The following SERPINE2 variants were observed in gnomAD, a reference collection of about 807,000 sequenced individuals.
SERPINE2 encodes the protein glia-derived nexin.
In SERPINE2, 14 loss-of-function variants were observed where a neutral mutation model predicts 36.3. That is an observed-to-expected ratio of 0.39 (90% CI 0.25 to 0.60). The LOEUF (loss-of-function observed/expected upper bound fraction) is 0.60. Among genes scored for constraint, SERPINE2 ranks in the 20% least tolerant of loss-of-function variants. The probability of loss-of-function intolerance (pLI) is 0.57; values close to 1 mark genes in which losing one functional copy is unlikely to be tolerated. For synonymous variants in SERPINE2, 192 were observed against 191.8 expected (o/e 1.00, Z -0.01); for missense variants, 418 against 499.6 (o/e 0.84, Z 1.56).
chr2:224,015,319 C>T (rs1007351402), intron 1 of SERPINE2, among the ~76,000 whole-genome samples: 1 of 152,294 alleles, frequency 6.6e-6, no homozygotes, highest in Non-Finnish European at 1.5e-5. Context: ...AGCAGAGGCA[C>T]ACCTGGGCCA....
chr2:223,975,908 C>A lies in SERPINE2; in HGVS notation c.1157-4G>T, dbSNP rs746192008. The A allele has an allele frequency of 1.3e-6, 2 of 1,594,218 alleles. No homozygotes were observed. Among genetic ancestry groups the A allele is most frequent in the Non-Finnish European group, 8.6e-7 (1 of 1,166,912 alleles). On this transcript the variant is annotated splice_polypyrimidine_tract_variant and splice_region_variant and intron_variant, in intron 8 of 8. Transcript: ENST00000409304. Reference sequence around the variant, plus strand: ...TGCCCCATGAATAACACAGCACCTACAGAATTAAAAGAAAACAATGCATGA... The same window carrying A: ...TGCCCCATGAATAACACAGCACCTAAAGAATTAAAAGAAAACAATGCATGA...
chr2:223,996,121 C>G (rs1690878068), intron 3 of SERPINE2, among the ~76,000 whole-genome samples: 1 of 152,172 alleles, frequency 6.6e-6, no homozygotes, highest in Non-Finnish European at 1.5e-5. Context: ...CATGCTTCTT[C>G]CCAGCACACG....
intron 1 of SERPINE2, chr2:224,010,313 A>T: frequency 3.0e-6 from 3 of 984,206 alleles, no homozygotes; most frequent in Non-Finnish European, 3.6e-6. Context: ...AATTTGGCCA[A>T]AAAGGAACCT....
intron 2 of SERPINE2, among the ~76,000 whole-genome samples, chr2:223,999,043 G>T (rs530221176): frequency 1.3e-5 from 2 of 152,134 alleles, no homozygotes; most frequent in African/African-American, 2.4e-5. Context: ...CTTGTCTAAC[G>T]TTATTAAGTG....
intron 2 of SERPINE2, among the ~76,000 whole-genome samples, chr2:224,001,138 C>A (rs1298092562): frequency 6.6e-6 from 1 of 152,180 alleles, no homozygotes; most frequent in Non-Finnish European, 1.5e-5. Context: ...TCCATACACT[C>A]CTGTTGTGGG....
At chr2:224,002,058 C>T (rs1691198981) in intron 1 of SERPINE2, 136 bp from the exon 2 acceptor site, 6 of 759,564 alleles carry the variant, frequency 7.9e-6, no homozygotes, top group Non-Finnish European at 1.0e-5. Flanking sequence ...CTCACTGCAA[C>T]CTCCGCCTCC....
intron 1 of SERPINE2, among the ~76,000 whole-genome samples, chr2:224,005,077 A>T (rs1427956084): frequency 3.0e-5 from 1 of 33,392 alleles, no homozygotes; most frequent in South Asian, 1.3e-3. Context: ...ATATATATAT[A>T]TATATATATA....
intron 6 of SERPINE2, chr2:223,982,474 G>A: frequency 2.2e-6 from 1 of 445,050 alleles, no homozygotes; most frequent in Non-Finnish European, 4.0e-6. Context: ...AAAAACTATT[G>A]AAATAAAAAG....
rs372241811 is a variant in SERPINE2 at position 224,029,847 on chromosome 2, C to T, written c.-23+9252G>A. 1.2e-4 allele frequency among the ~76,000 whole-genome samples: 19 copies of T among 152,230 alleles called. No homozygotes were observed. The East Asian group carries it at 2.9e-3, about 23-fold the overall frequency. ...CCAAGTAGCTGGGATTACGGGCGTG[C>T]GTCACCATGCCCAGCTAATTTTTTG... On this transcript the variant is annotated intron_variant, in intron 1 of 8. Coordinates refer to ENST00000409304, the MANE Select transcript of SERPINE2 (RefSeq NM_001136528.2).
chr2:224,012,208 T>G (rs1360382630), intron 1 of SERPINE2, among the ~76,000 whole-genome samples: 1 of 152,202 alleles, frequency 6.6e-6, no homozygotes, highest in Non-Finnish European at 1.5e-5. Flanking sequence ...CTATTTCAAC[T>G]GGGAGCACTT....
At chr2:223,993,434 TTGTG>T (rs1181614333) in intron 3 of SERPINE2, among the ~76,000 whole-genome samples, 27 of 147,936 alleles carry the variant, frequency 1.8e-4, no homozygotes, top group African/African-American at 5.8e-4. Flanking sequence ...GAAGGTTCAG[TTGTG>T]TGTGTGTCTG....
intron 1 of SERPINE2, among the ~76,000 whole-genome samples, chr2:224,021,705 C>T (rs1006417993): frequency 6.6e-6 from 1 of 152,206 alleles, no homozygotes; most frequent in Non-Finnish European, 1.5e-5. Context: ...AACCAACAAA[C>T]CATAACCAAA....
rs41484545 is a variant in SERPINE2, at chr2:223,998,197, C to T, written c.405G>A (p.Gln135=). 1 of 1,614,128 alleles carries T rather than the reference C, an allele frequency of 6.2e-7. No homozygotes were observed. The highest frequency in any genetic ancestry group is 2.2e-5 in the East Asian group (1 of 44,902). Residue 135 remains glutamine, a synonymous_variant, in exon 3 of 9, where the codon CAG becomes CAA. Coordinates refer to ENST00000409304, the MANE Select transcript of SERPINE2 (RefSeq NM_001136528.2). The stretch of plus-strand genomic sequence containing the variant: ...CAAAGTTCACATTCCGGACCTCACA[C>T]TGGAACACATCTTTGTTCCTTGTAA... ...PFVTRNKDVF[Q]CEVRNVNFED...
chr2:223,990,837 C>T (rs1320884934), intron 4 of SERPINE2, among the ~76,000 whole-genome samples: 1 of 152,014 alleles, frequency 6.6e-6, no homozygotes, highest in Non-Finnish European at 1.5e-5. Context: ...AATTAGCTGG[C>T]CGTGGTGGTG....
chr2:224,033,562 G>A (rs1316343213), intron 1 of SERPINE2, among the ~76,000 whole-genome samples: 1 of 151,818 alleles, frequency 6.6e-6, no homozygotes, highest in Non-Finnish European at 1.5e-5. Context: ...AGTTCTAGAT[G>A]GTAACCTACA....
chr2:223,995,550 T>A (rs781219657), intron 3 of SERPINE2, among the ~76,000 whole-genome samples: 2 of 149,508 alleles, frequency 1.3e-5, no homozygotes, highest in Non-Finnish European at 2.9e-5. Flanking sequence ...CACCTACTTA[T>A]AATTATCTGA....
intron 1 of SERPINE2, among the ~76,000 whole-genome samples, chr2:224,004,995 T>A (rs1007649105): frequency 1.5e-5 from 2 of 131,162 alleles, no homozygotes; most frequent in Non-Finnish European, 3.2e-5. Flanking sequence ...ACTACATATA[T>A]ATTATATATA....
intron 4 of SERPINE2, among the ~76,000 whole-genome samples, chr2:223,986,846 G>A (rs1354916759): frequency 6.6e-6 from 1 of 152,058 alleles, no homozygotes; most frequent in Non-Finnish European, 1.5e-5. Flanking sequence ...CTTGATGACT[G>A]ATTTCCCCCC....
chr2:224,025,778 C>CAGAA (rs1346638098), intron 1 of SERPINE2, among the ~76,000 whole-genome samples: 1 of 152,238 alleles, frequency 6.6e-6, no homozygotes, highest in East Asian at 1.9e-4. Context: ...CCTAGGCCAT[C>CAGAA]AGAAGCCCTT....
Sources: allele counts gnomAD v4.1 joint callset (sites outside exome capture counted in the v4.1 genomes callset), GRCh38; gene constraint gnomAD v4.1.1; transcripts MANE v1.5; gene names NCBI Gene and HGNC (gene_info 2026-07-23, HGNC 2026-07-21).